RAB3GAP2: variants seen among roughly 807,000 people sequenced by gnomAD.
RAB3GAP2 encodes RAB3 GTPase activating non-catalytic protein subunit 2.
Under a neutral mutation model 185.3 loss-of-function variants are expected in RAB3GAP2, and 87 were observed. That is an observed-to-expected ratio of 0.47 (90% CI 0.39 to 0.56). The LOEUF is 0.56. RAB3GAP2 is among the 20% of genes least tolerant of loss of function. The pLI, the probability that RAB3GAP2 is intolerant of heterozygous loss-of-function variation, is 0.00. For missense variants in RAB3GAP2, 1,492 were observed against 1,638.2 expected, an observed-to-expected ratio of 0.91 and a Z score of 1.54; for synonymous variants, 554 against 576.1, an observed-to-expected ratio of 0.96 and a Z score of 0.55.
At chr1:220,237,801 C>T (rs143880258) in intron 1 of RAB3GAP2, among the ~76,000 whole-genome samples, 213 of 150,574 alleles carry the variant, frequency 1.4e-3, no homozygotes, top group African/African-American at 5.0e-3. Context: ...CACTGGTATG[C>T]AATCTTGAAG....
At chr1:220,245,810 G>A (rs1056782284) in intron 1 of RAB3GAP2, among the ~76,000 whole-genome samples, 13 of 152,330 alleles carry the variant, frequency 8.5e-5, no homozygotes, top group African/African-American at 3.1e-4. Flanking sequence ...CCAGCAAGCA[G>A]CTGGAGATCT....
chr1:220,208,669 T>G (rs772209777), intron 7 of RAB3GAP2, among the ~76,000 whole-genome samples: 18 of 152,208 alleles, frequency 1.2e-4, no homozygotes, highest in Admixed American at 2.6e-4. Context: ...TTTAAAAAAA[T>G]TGTACATCTC....
At chr1:220,180,062 T>A (rs1421887291) in intron 21 of RAB3GAP2, among the ~76,000 whole-genome samples, 1 of 152,076 alleles carries the variant, frequency 6.6e-6, no homozygotes, top group Non-Finnish European at 1.5e-5. Flanking sequence ...CTCAGGAGGC[T>A]GAGGCAGGAG....
intron 1 of RAB3GAP2, among the ~76,000 whole-genome samples, chr1:220,261,408 T>C (rs1464708262): frequency 6.6e-6 from 1 of 152,190 alleles, no homozygotes; most frequent in East Asian, 1.9e-4. Context: ...TAACCTCTTA[T>C]GAAAACCATG....
chr1:220,151,797 C>G, intron 33 of RAB3GAP2, 33 bp from the exon 34 acceptor site: 1 of 1,558,970 alleles, frequency 6.4e-7, no homozygotes. Context: ...ATAATACAGT[C>G]AGAGTGAGCA....
rs1363593935 is a variant in RAB3GAP2 at position 220,158,842 on chromosome 1, C to A, written c.3261+544G>T. On this transcript the variant is annotated intron_variant, in intron 29 of 34. Transcript: ENST00000358951. The surrounding 1 kb of genome is among the most constrained non-coding windows in gnomAD (Gnocchi z 4.3). ...ATGCACACACACATGCATGCACACA[C>A]ACGTACACACTCTAGTCATACAACC... 6.6e-6 allele frequency among the ~76,000 whole-genome samples: 1 copy of A among 152,134 alleles called. No individual in the cohort carries two copies. The highest frequency in any genetic ancestry group is 1.5e-5 in the Non-Finnish European group (1 of 68,032).
chr1:220,195,105 A>G lies in RAB3GAP2; in HGVS notation c.1103T>C (p.Val368Ala). Residue 368 changes from valine (V) to alanine (A), a missense_variant, in exon 12 of 35, where the codon GTT becomes GCT. By Grantham distance (64) the Val-to-Ala change is moderately conservative. Around this residue, in one of 5 missense-constraint regions of RAB3GAP2, gnomAD observed 243 missense variants for 314.8 expected, o/e 0.77. Transcript: ENST00000358951. ...TACAGCTAATGGGGTAGCTGGCTCA[A>G]CCTTCGGCTTTTGCTTTTGGACAGC... ...EEAVQKQKPK[V>A]EPATPLAVRF... The G allele has an allele frequency of 6.2e-7, 1 of 1,614,124 alleles. No homozygotes were observed. The highest frequency in any genetic ancestry group is 8.5e-7 in the Non-Finnish European group (1 of 1,180,000).
At chr1:220,243,464 T>A (rs761764812) in intron 1 of RAB3GAP2, among the ~76,000 whole-genome samples, 5 of 152,284 alleles carry the variant, frequency 3.3e-5, no homozygotes, top group Admixed American at 6.5e-5. Flanking sequence ...TACTTCCATT[T>A]CTAAGATGAA....
At chr1:220,215,667 T>C (rs1044578573) in intron 2 of RAB3GAP2, among the ~76,000 whole-genome samples, 3 of 152,090 alleles carry the variant, frequency 2.0e-5, no homozygotes, top group African/African-American at 4.8e-5. Flanking sequence ...GTGATGCAAA[T>C]AGTTTTTCCT....
chr1:220,196,490 G>T, intron 9 of RAB3GAP2, 92 bp from the exon 10 acceptor site: 1 of 1,268,986 alleles, frequency 7.9e-7, no homozygotes, highest in Non-Finnish European at 1.1e-6. Flanking sequence ...TAAATGTTTA[G>T]TTTTATTTAA....
Position 220,211,007 on chromosome 1 carries a change from AAAC to A in RAB3GAP2, c.387-8_387-6del. 1 of 1,612,458 alleles carries A rather than the reference AAAC, an allele frequency of 6.2e-7. No homozygotes were observed. Among genetic ancestry groups the A allele is most frequent in the Non-Finnish European group, 8.5e-7 (1 of 1,179,386 alleles). ...AGAGCACTGGTTACACATTCCCTAAAAACAAAAACAAAATCATATGCTTACCCA... is the reference window on the plus strand; with the variant it reads ...AGAGCACTGGTTACACATTCCCTAAAAAAAACAAAATCATATGCTTACCCA... On this transcript the variant is annotated splice_region_variant and splice_polypyrimidine_tract_variant and intron_variant, in intron 4 of 34. Coordinates refer to ENST00000358951, the MANE Select transcript of RAB3GAP2 (RefSeq NM_012414.4).
chr1:220,224,359 A>G (rs1383853329), intron 2 of RAB3GAP2, among the ~76,000 whole-genome samples: 2 of 152,176 alleles, frequency 1.3e-5, no homozygotes, highest in Non-Finnish European at 2.9e-5. Flanking sequence ...AGCATTGCTC[A>G]TTATAGGAAA....
chr1:220,190,024 A>G (rs1435533051), intron 16 of RAB3GAP2, 40 bp downstream of exon 16: 1 of 1,443,514 alleles, frequency 6.9e-7, no homozygotes. Flanking sequence ...AAAAGATGAT[A>G]GAACAATATG....
intron 1 of RAB3GAP2, among the ~76,000 whole-genome samples, chr1:220,271,548 T>C (rs1212723922): frequency 6.6e-6 from 1 of 152,186 alleles, no homozygotes; most frequent in African/African-American, 2.4e-5. Flanking sequence ...TTCTTGGCTA[T>C]GTCACTGTAA....
chr1:220,220,347 A>G (rs1045908032), intron 2 of RAB3GAP2: 2 of 152,428 alleles, frequency 1.3e-5, no homozygotes, highest in African/African-American at 4.8e-5. Flanking sequence ...GTCCCCGAAG[A>G]TCCGCACAAA....
In RAB3GAP2 at chr1:220,150,546, A is replaced by G. The variant is rs1330054941; in HGVS notation, c.*705T>C. On this transcript the variant is annotated 3_prime_UTR_variant, in exon 35 of 35. Transcript: ENST00000358951. The stretch of plus-strand genomic sequence containing the variant: ...CAACTTTGCAACTTGGCAAAAAGCA[A>G]ATCTTAACTTACATTATAATTAATT... 1 of 152,398 alleles carries G rather than the reference A, an allele frequency of 6.6e-6. No homozygotes were observed. The highest frequency in any genetic ancestry group is 1.5e-5 in the Non-Finnish European group (1 of 68,018). 9.4% of individuals were successfully genotyped at this position (152,398 alleles called of 1,614,324 possible).
intron 21 of RAB3GAP2, among the ~76,000 whole-genome samples, chr1:220,181,639 T>C (rs1261701749): frequency 6.6e-6 from 1 of 152,188 alleles, no homozygotes; most frequent in African/African-American, 2.4e-5. Context: ...TATTTTTCAT[T>C]GTAACATGAC....
At chr1:220,263,727 C>A (rs1387253078) in intron 1 of RAB3GAP2, among the ~76,000 whole-genome samples, 2 of 152,052 alleles carry the variant, frequency 1.3e-5, no homozygotes, top group African/African-American at 4.8e-5. Context: ...TGTGAATCTT[C>A]TAACTTGTTT....
chr1:220,168,402 T>G (rs1658111749), intron 24 of RAB3GAP2, among the ~76,000 whole-genome samples: 1 of 150,680 alleles, frequency 6.6e-6, no homozygotes, highest in African/African-American at 2.4e-5. Flanking sequence ...AATATTCCTT[T>G]TTTTTTTTTT....
Sources: allele counts gnomAD v4.1 joint callset (sites outside exome capture counted in the v4.1 genomes callset), GRCh38; gene constraint gnomAD v4.1.1; regional missense constraint gnomAD v4.1.1; non-coding constraint Gnocchi (gnomAD v3.1); transcripts MANE v1.5; gene names NCBI Gene and HGNC (gene_info 2026-07-23, HGNC 2026-07-21).